Variants in CBFA2T3 observed in about 807,000 individuals in gnomAD.
CBFA2T3 encodes CBFA2/RUNX1 partner transcriptional co-repressor 3.
A neutral mutation model predicts 58.6 loss-of-function variants in CBFA2T3; 31 were observed. That is an observed-to-expected ratio of 0.53 (90% CI 0.40 to 0.71). The LOEUF (loss-of-function observed/expected upper bound fraction) is 0.71, where lower values mean the gene tolerates loss of function less well. Among genes scored for constraint, CBFA2T3 ranks in the 30% least tolerant of loss-of-function variants. The pLI is 0.00. For missense variants in CBFA2T3, 1,076 were observed against 963.1 expected, an observed-to-expected ratio of 1.12 and a Z score of -1.55; for synonymous variants, 531 against 421.9, an observed-to-expected ratio of 1.26 and a Z score of -3.17.
intron 1 of CBFA2T3, among the ~76,000 whole-genome samples, chr16:88,903,056 G>A (rs754152067): frequency 9.9e-5 from 15 of 152,198 alleles, no homozygotes; most frequent in Non-Finnish European, 1.8e-4. Flanking sequence ...GGTATCTGTC[G>A]TGTTATTAGT....
chr16:88,931,902 G>A (rs950942935), intron 1 of CBFA2T3, among the ~76,000 whole-genome samples: 7 of 152,094 alleles, frequency 4.6e-5, no homozygotes, highest in Non-Finnish European at 8.8e-5. Flanking sequence ...GCACTTCGCC[G>A]GGGCACTTAT....
At chr16:88,935,322 G>A (rs1971461989) in intron 1 of CBFA2T3, among the ~76,000 whole-genome samples, 1 of 152,194 alleles carries the variant, frequency 6.6e-6, no homozygotes, top group Non-Finnish European at 1.5e-5. Flanking sequence ...CCAAGGCAAG[G>A]GGAGGGGCCC....
At chr16:88,879,513 C>G (rs932509787) in intron 10 of CBFA2T3, 53 bp from the exon 11 acceptor site, 8 of 1,543,420 alleles carry the variant, frequency 5.2e-6, no homozygotes, top group South Asian at 2.3e-5. Context: ...CCAGATGGGT[C>G]TCTGGACTTC....
chr16:88,928,542 C>G (rs1194481469), intron 1 of CBFA2T3, among the ~76,000 whole-genome samples: 1 of 152,252 alleles, frequency 6.6e-6, no homozygotes, highest in Non-Finnish European at 1.5e-5. Flanking sequence ...TGCAAACAAC[C>G]CTCTTCCAGC....
chr16:88,901,233 G>A (rs1970085997), intron 2 of CBFA2T3, among the ~76,000 whole-genome samples: 1 of 152,230 alleles, frequency 6.6e-6, no homozygotes, highest in African/African-American at 2.4e-5. Flanking sequence ...GGACTCACCT[G>A]GCCCCACCAC....
chr16:88,879,097 G>A (rs953745152), intron 11 of CBFA2T3, among the ~76,000 whole-genome samples, 173 bp downstream of exon 11: 1 of 152,244 alleles, frequency 6.6e-6, no homozygotes, highest in Non-Finnish European at 1.5e-5. Context: ...TGAACCATGT[G>A]GGATCTCTGT....
Position 88,892,366 on chromosome 16 carries a change from G to T in CBFA2T3, c.499C>A (p.Pro167Thr). Residue 167 changes from proline to threonine, a missense_variant, in exon 4 of 12, where the codon CCA (proline) becomes ACA (threonine). Pro to Thr is a conservative substitution (Grantham distance 38). Transcript: ENST00000268679. ...TASLSTQHLPPACGARQLSKL... is the reference protein window; with the variant it reads ...TASLSTQHLPTACGARQLSKL... ...CTGAGCTGCCGGGCCCCGCAGGCTG[G>T]GGGCAGGTGCTGTGTGGACAAGGAG... The T allele has an allele frequency of 1.2e-6, 2 of 1,613,496 alleles. No homozygotes were observed. The highest frequency in any genetic ancestry group is 1.7e-6 in the Non-Finnish European group (2 of 1,179,990).
intron 1 of CBFA2T3, 87 bp downstream of exon 1, chr16:88,976,570 G>A (rs1476818938): frequency 2.9e-6 from 3 of 1,018,664 alleles, no homozygotes; most frequent in East Asian, 2.6e-5. Flanking sequence ...AGCTGGGCAG[G>A]CCCCGCGAAG....
Position 88,889,022 on chromosome 16 carries a change from G to A in CBFA2T3, c.711+2860C>T, listed in dbSNP as rs749882107. Among the ~76,000 whole-genome samples, 142 of 152,070 alleles carry A rather than the reference G, an allele frequency of 9.3e-4. 1 individual carries two copies. The highest frequency in any genetic ancestry group is 3.9e-3 in the Admixed American group (59 of 15,290). On this transcript the variant is annotated intron_variant, in intron 5 of 11. Coordinates refer to ENST00000268679, the MANE Select transcript of CBFA2T3 (RefSeq NM_005187.6). ...GTGGGGGCAAGGGTGGGGATGCTGC[G>A]GCGTTTCTCTGCCTGACCCTGATCC...
intron 1 of CBFA2T3, among the ~76,000 whole-genome samples, chr16:88,909,644 C>T (rs1172949789): frequency 6.6e-6 from 1 of 152,236 alleles, no homozygotes; most frequent in African/African-American, 2.4e-5. Context: ...ATCACACGGT[C>T]CCACAGCTTC....
At position 88,908,599 on chromosome 16, in the gene CBFA2T3, C is replaced by A. The variant is rs1970417750; in HGVS notation, c.152-6943G>T. Among the ~76,000 whole-genome samples, 3 of 152,188 alleles carry A rather than the reference C, an allele frequency of 2.0e-5. No individual in the cohort carries two copies. The South Asian group carries it at 6.2e-4, about 31-fold the overall frequency. ...CCCGCCCTGCCCAGCTGGGAAACAG[C>A]CACAGCCCAGGGCTCCCAGCCTGGG... On this transcript the variant is annotated intron_variant, in intron 1 of 11. Coordinates refer to ENST00000268679, the MANE Select transcript of CBFA2T3 (RefSeq NM_005187.6).
rs769271136 is a variant in CBFA2T3, at chr16:88,885,787, G to A, written c.893+174C>T. ...CTGCAGCCCACTGGGGTGTCCGCCC[G>A]TGCAGCCACCAAGCCTGCTGGCCCT... is the stretch of plus-strand genomic sequence containing the variant. On this transcript the variant is annotated intron_variant, in intron 6 of 11. Coordinates refer to ENST00000268679, the MANE Select transcript of CBFA2T3 (RefSeq NM_005187.6). This position sits in a 1 kb window ranked among gnomAD's most constrained non-coding sequence, Gnocchi z 5.3. 16 of 608,672 alleles carry A rather than the reference G, an allele frequency of 2.6e-5. No individual in the cohort carries two copies. Among genetic ancestry groups the A allele is most frequent in the South Asian group, 7.9e-5 (4 of 50,642 alleles). 37.7% of individuals were successfully genotyped at this position (608,672 alleles called of 1,614,324 possible).
chr16:88,906,289 C>T (rs1225523343), intron 1 of CBFA2T3, among the ~76,000 whole-genome samples: 1 of 152,106 alleles, frequency 6.6e-6, no homozygotes, highest in Non-Finnish European at 1.5e-5. Context: ...TGAGGCCCTG[C>T]ACCTCGGCCA....
chr16:88,951,338 C>T (rs1972067693), intron 1 of CBFA2T3: 1 of 457,408 alleles, frequency 2.2e-6, no homozygotes, highest in African/African-American at 2.0e-5. Flanking sequence ...GGGTCTCCAT[C>T]CCTCCCTTTG....
chr16:88,891,123 G>A (rs942306865), intron 5 of CBFA2T3, among the ~76,000 whole-genome samples: 12 of 151,844 alleles, frequency 7.9e-5, no homozygotes, highest in Non-Finnish European at 1.6e-4. Context: ...TTCATCCATC[G>A]GCCTGCGCAG....
At chr16:88,926,754 C>T (rs756317190) in intron 1 of CBFA2T3, among the ~76,000 whole-genome samples, 1 of 152,218 alleles carries the variant, frequency 6.6e-6, no homozygotes, top group Non-Finnish European at 1.5e-5. Context: ...GAGGTGTTCA[C>T]AGTGGGGGTT....
chr16:88,901,874 G>A (rs1296632947), intron 1 of CBFA2T3, among the ~76,000 whole-genome samples: 1 of 152,194 alleles, frequency 6.6e-6, no homozygotes, highest in African/African-American at 2.4e-5. Flanking sequence ...ATCTGAGGTG[G>A]CCGGCCAGGC....
chr16:88,921,470 C>G (rs1054664769), intron 1 of CBFA2T3, among the ~76,000 whole-genome samples: 2 of 152,196 alleles, frequency 1.3e-5, no homozygotes, highest in Admixed American at 1.3e-4. Context: ...CCGGGATTTC[C>G]CGATCCAGGG....
At chr16:88,947,472 C>T (rs939204870) in intron 1 of CBFA2T3, among the ~76,000 whole-genome samples, 1 of 152,148 alleles carries the variant, frequency 6.6e-6, no homozygotes, top group Non-Finnish European at 1.5e-5. Flanking sequence ...CCCTATCGTA[C>T]AAAACTAGGT....
Sources: gnomAD v4.1 joint callset for allele counts (sites outside exome capture counted in the v4.1 genomes callset) on GRCh38, gnomAD v4.1.1 for gene constraint, Gnocchi (gnomAD v3.1) non-coding constraint, MANE v1.5 for transcripts, NCBI Gene and HGNC (gene_info 2026-07-23, HGNC 2026-07-21) for gene names.